The following MARCHF1 variants were observed in gnomAD, a reference collection of about 807,000 sequenced individuals.
MARCHF1 encodes the protein E3 ubiquitin-protein ligase MARCHF1.
In MARCHF1, 40 loss-of-function variants were observed where a neutral mutation model predicts 54.2. The observed-to-expected ratio is 0.74, with a 90% CI of 0.57 to 0.96. The LOEUF is 0.96. Ranked by LOEUF, MARCHF1 falls within the 40% of genes least tolerant of loss-of-function variation. The pLI, the probability that MARCHF1 is intolerant of heterozygous loss-of-function variation, is 0.00. For synonymous variants in MARCHF1, 236 were observed against 236.3 expected (o/e 1.00, Z 0.01); for missense variants, 586 against 656.5 (o/e 0.89, Z 1.17).
At chr4:164,026,778 GA>G (rs576660004) in intron 2 of MARCHF1, among the ~76,000 whole-genome samples, 18 of 150,902 alleles carry the variant, frequency 1.2e-4, no homozygotes, top group East Asian at 7.8e-4. Context: ...ATTTAAACAG[GA>G]AAAAAAAAGT....
At chr4:163,990,838 T>C (rs1355132814) in intron 2 of MARCHF1, among the ~76,000 whole-genome samples, 1 of 152,206 alleles carries the variant, frequency 6.6e-6, no homozygotes, top group African/African-American at 2.4e-5. Context: ...TGTCAGTGTT[T>C]AGGTCCATGA....
chr4:164,032,598 G>T (rs1439634266), intron 2 of MARCHF1, among the ~76,000 whole-genome samples: 3 of 152,140 alleles, frequency 2.0e-5, no homozygotes, highest in Non-Finnish European at 2.9e-5. Flanking sequence ...TTACCCAGGA[G>T]TCATTCAGAA....
intron 9 of MARCHF1, among the ~76,000 whole-genome samples, chr4:163,542,834 G>A (rs982646559): frequency 6.6e-6 from 1 of 152,222 alleles, no homozygotes; most frequent in African/African-American, 2.4e-5. Flanking sequence ...TAGGAATAAC[G>A]ATCCTACTTC....
intron 2 of MARCHF1, among the ~76,000 whole-genome samples, chr4:164,041,999 T>C (rs1042476173): frequency 6.6e-6 from 1 of 152,208 alleles, no homozygotes; most frequent in African/African-American, 2.4e-5. Context: ...ACATGACTTA[T>C]AATGTCACTT....
chr4:163,575,233 G>C (rs1274069459), intron 8 of MARCHF1, among the ~76,000 whole-genome samples: 1 of 151,790 alleles, frequency 6.6e-6, no homozygotes, highest in African/African-American at 2.4e-5. Flanking sequence ...GTTTGTTGAG[G>C]GTTTTTATCA....
At chr4:164,007,968 C>T (rs1236237477) in intron 2 of MARCHF1, among the ~76,000 whole-genome samples, 2 of 152,048 alleles carry the variant, frequency 1.3e-5, no homozygotes, top group East Asian at 3.9e-4. Flanking sequence ...AGTACTCACT[C>T]TATCAATAAC....
chr4:164,214,657 T>A (rs1731877110), intron 1 of MARCHF1, among the ~76,000 whole-genome samples: 1 of 152,194 alleles, frequency 6.6e-6, no homozygotes, highest in African/African-American at 2.4e-5. Flanking sequence ...CACAAATTGG[T>A]GGATTTTTAG....
intron 1 of MARCHF1, among the ~76,000 whole-genome samples, chr4:164,337,015 G>C (rs1561007528): frequency 5.3e-5 from 8 of 152,116 alleles, no homozygotes. Flanking sequence ...GAAGGAGGGA[G>C]AGGGGAAAGG....
At chr4:164,197,092 T>G in intron 1 of MARCHF1, 1 of 1,606,794 alleles carries the variant, frequency 6.2e-7, no homozygotes, top group Non-Finnish European at 8.5e-7. Context: ...ATAACCTTCT[T>G]CATCCTCCTC....
rs1389997225 is a variant in MARCHF1, at chr4:164,246,672, C to G, written c.-322-135010G>C. 8.6e-5 allele frequency among the ~76,000 whole-genome samples: 4 copies of G among 46,448 alleles called. 1 individual carries two copies. The highest frequency in any genetic ancestry group is 2.6e-4 in the Admixed American group (1 of 3,890). 30.5% of individuals were successfully genotyped at this position (46,448 alleles called of 152,430 possible). On this transcript the variant is annotated intron_variant, in intron 1 of 9. Transcript: ENST00000514618. ...AACTACCATCAGAGTGAACAGGCAACCTACAAAATGGGAGAAAATTTTCAC... is the reference window on the plus strand; with the variant it reads ...AACTACCATCAGAGTGAACAGGCAAGCTACAAAATGGGAGAAAATTTTCAC...
intron 4 of MARCHF1, among the ~76,000 whole-genome samples, chr4:163,816,115 TAAG>T (rs1748525039): frequency 6.6e-6 from 1 of 152,204 alleles, no homozygotes. Context: ...ATCGCACTTC[TAAG>T]AAGAATGTCT....
At chr4:163,754,195 C>T (rs1293777711) in intron 4 of MARCHF1, among the ~76,000 whole-genome samples, 1 of 152,160 alleles carries the variant, frequency 6.6e-6, no homozygotes, top group Non-Finnish European at 1.5e-5. Flanking sequence ...ACTTATATTA[C>T]TCTTGGTTCA....
intron 2 of MARCHF1, among the ~76,000 whole-genome samples, chr4:164,046,289 G>T (rs1754241798): frequency 6.6e-6 from 1 of 152,196 alleles, no homozygotes. Context: ...CAAGTCTTTT[G>T]CTGTATACAT....
intron 3 of MARCHF1, among the ~76,000 whole-genome samples, chr4:163,971,969 C>A (rs1363507147): frequency 6.6e-6 from 1 of 152,134 alleles, no homozygotes; most frequent in South Asian, 2.1e-4. Flanking sequence ...CAATGATAGA[C>A]TGGATAAAGA....
intron 1 of MARCHF1, among the ~76,000 whole-genome samples, chr4:164,277,009 T>A (rs1158102356): frequency 6.7e-6 from 1 of 148,750 alleles, no homozygotes; most frequent in African/African-American, 2.5e-5. Context: ...GAAAGAATCT[T>A]TCCATCTCCT....
chr4:163,579,982 T>C (rs1740166898), intron 8 of MARCHF1, among the ~76,000 whole-genome samples: 1 of 152,134 alleles, frequency 6.6e-6, no homozygotes, highest in African/African-American at 2.4e-5. Context: ...GATTTCAGAA[T>C]GTCCATGTGC....
At chr4:163,874,452 T>C (rs903044645) in intron 3 of MARCHF1, among the ~76,000 whole-genome samples, 1 of 152,160 alleles carries the variant, frequency 6.6e-6, no homozygotes, top group Non-Finnish European at 1.5e-5. Context: ...GAGATTTGTA[T>C]TAGTGGGGAA....
intron 5 of MARCHF1, among the ~76,000 whole-genome samples, chr4:163,628,607 T>G (rs1741957368): frequency 6.6e-6 from 1 of 152,194 alleles, no homozygotes; most frequent in Non-Finnish European, 1.5e-5. Context: ...GAAGTCAAAT[T>G]GTCTTTGTTT....
At chr4:163,816,782 A>T (rs1488254305) in intron 4 of MARCHF1, among the ~76,000 whole-genome samples, 2 of 152,250 alleles carry the variant, frequency 1.3e-5, no homozygotes, top group East Asian at 3.9e-4. Flanking sequence ...ATCACACTGC[A>T]CTACCTCCAT....
Sources: allele counts gnomAD v4.1 joint callset (sites outside exome capture counted in the v4.1 genomes callset), GRCh38; gene constraint gnomAD v4.1.1; transcripts MANE v1.5; gene names NCBI Gene and HGNC (gene_info 2026-07-23, HGNC 2026-07-21).